Variants in DOCK3 observed in about 807,000 individuals in gnomAD.
DOCK3 encodes the protein dedicator of cytokinesis protein 3.
Under a neutral mutation model 265.6 loss-of-function variants are expected in DOCK3, and 60 were observed. That is an observed-to-expected ratio of 0.23 (90% confidence interval 0.18 to 0.28). The LOEUF (loss-of-function observed/expected upper bound fraction) is 0.28. Among genes scored for constraint, DOCK3 ranks in the 10% least tolerant of loss-of-function variants. DOCK3 has a pLI of 1.00. For missense variants in DOCK3, 1,981 were observed against 2,594.3 expected (o/e 0.76, Z 5.14); for synonymous variants, 881 against 938.0 (o/e 0.94, Z 1.11).
intron 21 of DOCK3, among the ~76,000 whole-genome samples, chr3:51,238,268 G>A (rs1266058462): frequency 6.0e-5 from 9 of 150,624 alleles, no homozygotes; most frequent in Non-Finnish European, 8.9e-5. Flanking sequence ...TCAGCCTCCC[G>A]AGTAGCTGGG....
intron 5 of DOCK3, among the ~76,000 whole-genome samples, chr3:51,014,238 C>A (rs933989047): frequency 6.6e-6 from 1 of 151,924 alleles, no homozygotes; most frequent in Non-Finnish European, 1.5e-5. Flanking sequence ...AACCACCCAT[C>A]TTCTGTGTTG....
At chr3:50,687,453 A>G (rs1363201127) in intron 1 of DOCK3, among the ~76,000 whole-genome samples, 1 of 152,212 alleles carries the variant, frequency 6.6e-6, no homozygotes, top group Non-Finnish European at 1.5e-5. Flanking sequence ...TCTAAAAGAA[A>G]TCACTGGAGC....
At chr3:50,760,149 T>C (rs2040437611) in intron 1 of DOCK3, among the ~76,000 whole-genome samples, 1 of 152,178 alleles carries the variant, frequency 6.6e-6, no homozygotes. Flanking sequence ...TTTAAGTCTT[T>C]GAGCCATTTT....
At chr3:50,893,172 G>A (rs1275249148) in intron 4 of DOCK3, 2 of 208,006 alleles carry the variant, frequency 9.6e-6, no homozygotes, top group East Asian at 1.7e-4. Flanking sequence ...TTCTTCAAAT[G>A]TGCAGGCCCC....
intron 3 of DOCK3, among the ~76,000 whole-genome samples, chr3:50,854,873 A>C (rs1015909959): frequency 3.3e-5 from 5 of 152,134 alleles, no homozygotes; most frequent in Middle Eastern, 6.8e-3. Context: ...TCCTAGCACT[A>C]TTTATTGAAT....
At chr3:50,978,133 T>C (rs2077539647) in intron 5 of DOCK3, among the ~76,000 whole-genome samples, 1 of 151,826 alleles carries the variant, frequency 6.6e-6, no homozygotes, top group Non-Finnish European at 1.5e-5. Context: ...TGAAGCCTTC[T>C]TCTCTCAGCT....
intron 49 of DOCK3, among the ~76,000 whole-genome samples, chr3:51,366,301 G>C (rs1216115388): frequency 6.6e-6 from 1 of 152,088 alleles, no homozygotes. Context: ...TTCTCTGATG[G>C]TAGTTTGTAT....
intron 6 of DOCK3, among the ~76,000 whole-genome samples, chr3:51,065,094 A>G (rs542011162): frequency 1.3e-5 from 2 of 152,188 alleles, no homozygotes; most frequent in Non-Finnish European, 1.5e-5. Flanking sequence ...TGTAATAACT[A>G]TGATTTGCTA....
At chr3:51,296,601 T>C (rs1051398000) in intron 27 of DOCK3, among the ~76,000 whole-genome samples, 1 of 151,756 alleles carries the variant, frequency 6.6e-6, no homozygotes, top group East Asian at 2.0e-4. Flanking sequence ...CTCAGCCTCT[T>C]GAGTAGCTGG....
Position 50,977,932 on chromosome 3 carries a change from G to A in DOCK3, c.315+43855G>A, listed in dbSNP as rs981480045. On this transcript the variant is annotated intron_variant, in intron 5 of 52. Coordinates refer to ENST00000266037, the MANE Select transcript of DOCK3 (RefSeq NM_004947.5). ...CTGATACCCTTTCTTCCAGTTGATC[G>A]CATCGGCTCCTGAGGCTTCTGCATT... 5.3e-5 allele frequency among the ~76,000 whole-genome samples: 8 copies of A among 151,910 alleles called. No homozygotes were observed. In the South Asian group the frequency reaches 6.2e-4, roughly 12 times the overall value.
intron 1 of DOCK3, among the ~76,000 whole-genome samples, chr3:50,728,632 C>A (rs2037986518): frequency 1.3e-5 from 2 of 151,954 alleles, no homozygotes; most frequent in Admixed American, 1.3e-4. Flanking sequence ...ATATTATGAA[C>A]CATTTTACTT....
chr3:50,835,388 C>T (rs935357737), intron 2 of DOCK3, among the ~76,000 whole-genome samples: 3 of 152,144 alleles, frequency 2.0e-5, no homozygotes, highest in Admixed American at 6.5e-5. Flanking sequence ...GTGCTTATTA[C>T]CTTTAAACCA....
chr3:51,111,872 C>T (rs976485981), intron 9 of DOCK3, among the ~76,000 whole-genome samples: 3 of 151,906 alleles, frequency 2.0e-5, no homozygotes, highest in African/African-American at 7.2e-5. Flanking sequence ...AAAAAAACAA[C>T]TTCAATATAA....
At chr3:51,270,307 A>G (rs1475872127) in intron 23 of DOCK3, among the ~76,000 whole-genome samples, 4 of 152,200 alleles carry the variant, frequency 2.6e-5, no homozygotes, top group Non-Finnish European at 4.4e-5. Flanking sequence ...GCAAATGAGA[A>G]TCTCTATTCT....
chr3:50,928,419 C>A (rs1274031447), intron 4 of DOCK3, among the ~76,000 whole-genome samples: 1 of 152,082 alleles, frequency 6.6e-6, no homozygotes, highest in Non-Finnish European at 1.5e-5. Flanking sequence ...TTGTATCTGG[C>A]ATATTTCACT....
chr3:51,168,463 A>G (rs1477040147), intron 12 of DOCK3, among the ~76,000 whole-genome samples: 1 of 152,238 alleles, frequency 6.6e-6, no homozygotes, highest in Non-Finnish European at 1.5e-5. Flanking sequence ...CTGATCTTCA[A>G]CAAAGCTGAC....
chr3:50,753,076 G>T (rs1391241943), intron 1 of DOCK3, among the ~76,000 whole-genome samples: 3 of 151,508 alleles, frequency 2.0e-5, no homozygotes, highest in Non-Finnish European at 4.4e-5. Context: ...ACAAGAGAGG[G>T]AACAGATCTC....
rs1465864849 is a variant in DOCK3 at position 51,381,697 on chromosome 3, G to A, written c.*138G>A. 1.7e-5 allele frequency: 21 copies of A among 1,227,536 alleles called. No homozygotes were observed. Among genetic ancestry groups the A allele is most frequent in the East Asian group, 1.5e-4 (6 of 38,716 alleles). 76.0% of individuals were successfully genotyped at this position (1,227,536 alleles called of 1,614,324 possible). ...AGGAGAGAACCACCCCCAAGTCTCC[G>A]TTCTACTGCCGTGAACTCATGTGTT... is the stretch of plus-strand genomic sequence containing the variant. On this transcript the variant is annotated 3_prime_UTR_variant, in exon 53 of 53. Transcript: ENST00000266037. This position sits in a 1 kb window ranked among gnomAD's most constrained non-coding sequence, Gnocchi z 5.6.
intron 12 of DOCK3, among the ~76,000 whole-genome samples, chr3:51,188,367 A>G (rs2087739149): frequency 6.6e-6 from 1 of 152,216 alleles, no homozygotes; most frequent in South Asian, 2.1e-4. Context: ...AAGATGATGT[A>G]GGTTTTATTT....
Sources: allele counts gnomAD v4.1 joint callset (sites outside exome capture counted in the v4.1 genomes callset), GRCh38; gene constraint gnomAD v4.1.1; non-coding constraint Gnocchi (gnomAD v3.1); transcripts MANE v1.5; gene names NCBI Gene and HGNC (gene_info 2026-07-23, HGNC 2026-07-21).